Variants in TANC2 observed in about 807,000 individuals in gnomAD.
TANC2 encodes the protein tetratricopeptide repeat, ankyrin repeat and coiled-coil containing 2.
A neutral mutation model predicts 210.5 loss-of-function variants in TANC2; 26 were observed. The observed-to-expected ratio is 0.12, with a 90% confidence interval of 0.09 to 0.17. The LOEUF is 0.17. Among genes scored for constraint, TANC2 ranks in the 10% least tolerant of loss-of-function variants. The pLI is 1.00. For synonymous variants in TANC2, 931 were observed against 967.1 expected, an observed-to-expected ratio of 0.96 and a Z score of 0.69; for missense variants, 2,129 against 2,608.9, an observed-to-expected ratio of 0.82 and a Z score of 4.01.
rs56763847 is a variant in TANC2 at position 63,005,896 on chromosome 17, TTGTGTGTGTGTG to T, written c.-23-3602_-23-3591del. On this transcript the variant is annotated intron_variant, in intron 1 of 27. Transcript: ENST00000689528. ...TAGTGAAACCACCTGGCTGTATAGT[TTGTGTGTGTGTG>T]TGTGTGTGTGTGTGTGTGTGTGTGT... Among the ~76,000 whole-genome samples the T allele has an allele frequency of 2.8e-3, 367 of 132,840 alleles. 2 individuals are homozygous for T. Among genetic ancestry groups the T allele is most frequent in the African/African-American group, 6.2e-3 (222 of 35,600 alleles). The allele number at this position is 132,840 out of a possible 152,430, so 87.1% of individuals were successfully genotyped here. A position where few individuals can be genotyped will look rare whatever the true frequency, so the allele number is the denominator to read the frequency against.
intron 2 of TANC2, among the ~76,000 whole-genome samples, chr17:63,066,807 T>C (rs944284404): frequency 6.6e-5 from 10 of 151,920 alleles, no homozygotes; most frequent in Admixed American, 2.6e-4. Context: ...ATGAAGTACA[T>C]GCAGAGCAAG....
chr17:63,348,688 G>T (rs2046495106), intron 12 of TANC2, among the ~76,000 whole-genome samples: 1 of 151,976 alleles, frequency 6.6e-6, no homozygotes, highest in Non-Finnish European at 1.5e-5. Context: ...TTCTTACATG[G>T]CAAAATACGA....
At chr17:63,048,363 T>G (rs1310079719) in intron 2 of TANC2, among the ~76,000 whole-genome samples, 3 of 152,164 alleles carry the variant, frequency 2.0e-5, no homozygotes, top group African/African-American at 4.8e-5. Flanking sequence ...GGTTAGACAA[T>G]TTCACTTCTG....
At position 63,421,106 on chromosome 17, in the gene TANC2, C is replaced by T. The variant is rs2049011651; in HGVS notation, c.5376C>T (p.Gly1792=). Reference sequence around the variant, plus strand: ...GACCTTCCTCAGCATACCGAGGTGGCGTGAGATACAGCCAGACACCACAGA... The same window carrying T: ...GACCTTCCTCAGCATACCGAGGTGGTGTGAGATACAGCCAGACACCACAGA... The change falls in exon 28 of 28, where the codon GGC becomes GGT. Residue 1792 remains glycine, a synonymous_variant. Transcript: ENST00000689528. The surrounding 1 kb of genome is among the most constrained non-coding windows in gnomAD (Gnocchi z 6.9). The T allele has an allele frequency of 2.5e-6, 4 of 1,613,804 alleles. No homozygotes were observed. Among genetic ancestry groups the T allele is most frequent in the Non-Finnish European group, 2.5e-6 (3 of 1,179,872 alleles).
intron 9 of TANC2, among the ~76,000 whole-genome samples, chr17:63,298,028 G>A (rs1162702039): frequency 1.3e-5 from 2 of 152,158 alleles, no homozygotes; most frequent in South Asian, 2.1e-4. Context: ...CCCTAGGATG[G>A]CTGTAATAAA....
At chr17:63,289,602 G>C (rs914471383) in intron 9 of TANC2, among the ~76,000 whole-genome samples, 9 of 152,070 alleles carry the variant, frequency 5.9e-5, no homozygotes, top group Non-Finnish European at 1.3e-4. Context: ...GTTGCATGCT[G>C]TCTACTTTAT....
exon 13 of TANC2, chr17:63,351,381 C>T: frequency 1.2e-6 from 2 of 1,610,108 alleles, no homozygotes; most frequent in Non-Finnish European, 1.7e-6. Context: ...TCCTTCTTGG[C>T]TCAAACTAAT....
At chr17:63,134,874 A>T (rs183496963) in intron 4 of TANC2, among the ~76,000 whole-genome samples, 108 of 152,332 alleles carry the variant, frequency 7.1e-4, no homozygotes, top group African/African-American at 2.5e-3. Context: ...ATCTTGAAAG[A>T]TGCTGGAAAA....
At chr17:63,362,803 G>A (rs561710094) in intron 14 of TANC2, among the ~76,000 whole-genome samples, 30 of 152,258 alleles carry the variant, frequency 2.0e-4, no homozygotes, top group African/African-American at 4.3e-4. Context: ...GGATCTTCCC[G>A]GGCCCCCAAG....
chr17:63,082,657 C>T (rs776408899), intron 3 of TANC2, among the ~76,000 whole-genome samples: 8 of 152,144 alleles, frequency 5.3e-5, no homozygotes, highest in South Asian at 4.1e-4. Flanking sequence ...ACCTGTCCCC[C>T]GGCACATGTA....
At chr17:63,004,632 A>G (rs1308014500) in intron 1 of TANC2, 1 of 225,268 alleles carries the variant, frequency 4.4e-6, no homozygotes, top group Non-Finnish European at 9.1e-6. Context: ...TTCTGCATTT[A>G]TATAAAACTT....
At chr17:63,189,550 A>T (rs1033657418) in intron 5 of TANC2, among the ~76,000 whole-genome samples, 1 of 152,036 alleles carries the variant, frequency 6.6e-6, no homozygotes, top group East Asian at 1.9e-4. Flanking sequence ...CCATTTGTAT[A>T]CCCTCTTTGG....
intron 1 of TANC2, among the ~76,000 whole-genome samples, chr17:62,969,144 G>C (rs2143192498): frequency 6.6e-6 from 1 of 152,250 alleles, no homozygotes; most frequent in African/African-American, 2.4e-5. Context: ...AGGGCCAGCT[G>C]TACTAGTAGT....
At chr17:63,266,481 C>G (rs957418655) in intron 8 of TANC2, among the ~76,000 whole-genome samples, 1 of 152,126 alleles carries the variant, frequency 6.6e-6, no homozygotes, top group Non-Finnish European at 1.5e-5. Flanking sequence ...TGTAAGTTTA[C>G]TTACTGTCAT....
chr17:63,344,985 G>A (rs1431083481), intron 12 of TANC2, among the ~76,000 whole-genome samples: 1 of 152,144 alleles, frequency 6.6e-6, no homozygotes, highest in African/African-American at 2.4e-5. Context: ...ACAAACCACA[G>A]GGAGAGTCTA....
intron 4 of TANC2, among the ~76,000 whole-genome samples, chr17:63,140,937 A>G (rs182391768): frequency 7.9e-5 from 12 of 152,096 alleles, no homozygotes; most frequent in African/African-American, 2.9e-4. Flanking sequence ...TTTAGTAGAG[A>G]TGGGGTTTCG....
At chr17:63,347,840 T>TCA (rs2046464102) in intron 12 of TANC2, among the ~76,000 whole-genome samples, 1 of 152,194 alleles carries the variant, frequency 6.6e-6, no homozygotes, top group South Asian at 2.1e-4. Flanking sequence ...AGTGGCAAGA[T>TCA]CATAGCTCAC....
intron 2 of TANC2, among the ~76,000 whole-genome samples, chr17:63,070,965 C>T (rs1273110595): frequency 6.6e-6 from 1 of 152,112 alleles, no homozygotes; most frequent in Non-Finnish European, 1.5e-5. Flanking sequence ...CATTGTGCCT[C>T]ACTATAGGTG....
intron 13 of TANC2, 44 bp downstream of exon 13, chr17:63,351,460 A>T: frequency 6.7e-7 from 1 of 1,503,320 alleles, no homozygotes; most frequent in South Asian, 1.4e-5. Flanking sequence ...TTCCTCTTGG[A>T]AAGAGCTTAG....
Sources: gnomAD v4.1 joint callset for allele counts (sites outside exome capture counted in the v4.1 genomes callset) on GRCh38, gnomAD v4.1.1 for gene constraint, Gnocchi (gnomAD v3.1) non-coding constraint, MANE v1.5 for transcripts, NCBI Gene and HGNC (gene_info 2026-07-23, HGNC 2026-07-21) for gene names.